Variants in RANBP2 observed in about 807,000 individuals in gnomAD.
RANBP2 encodes E3 SUMO-protein ligase RanBP2.
RANBP2 carries 57 observed loss-of-function variants against 303.6 expected under a neutral mutation model. The observed-to-expected ratio is 0.19, with a 90% CI of 0.15 to 0.23. The LOEUF (loss-of-function observed/expected upper bound fraction) is 0.23, where lower values mean the gene tolerates loss of function less well. Among genes scored for constraint, RANBP2 ranks in the 10% least tolerant of loss-of-function variants. The pLI is 1.00. For missense variants in RANBP2, 3,138 were observed against 3,780.8 expected (o/e 0.83, Z 4.46); for synonymous variants, 1,167 against 1,301.5 (o/e 0.90, Z 2.23).
chr2:108,989,774 C>T, the RANBP2 span, among the ~76,000 whole-genome samples: 9 of 151,956 alleles, frequency 5.9e-5, no homozygotes, highest in East Asian at 1.5e-3. Flanking sequence ...AAAGGACATA[C>T]CTTTCAGTAT....
At chr2:109,426,206 G>A in the RANBP2 span, among the ~76,000 whole-genome samples, 1 of 152,212 alleles carries the variant, frequency 6.6e-6, no homozygotes, top group Admixed American at 6.5e-5. Flanking sequence ...ACTGCGCCCG[G>A]CCAAGCAGTA....
chr2:109,257,208 C>A, the RANBP2 span, among the ~76,000 whole-genome samples: 1 of 152,120 alleles, frequency 6.6e-6, no homozygotes, highest in Admixed American at 6.5e-5. Context: ...GTGGACATGA[C>A]GGTAAGTCCT....
the RANBP2 span, among the ~76,000 whole-genome samples, chr2:109,732,480 C>CT: frequency 0.047 from 6,435 of 138,252 alleles, 180 homozygotes; most frequent in Non-Finnish European, 0.069. Context: ...ACACCTTCAT[C>CT]TTTTTTTTTT....
At chr2:108,843,844 T>G in the RANBP2 span, among the ~76,000 whole-genome samples, 41 of 22,822 alleles carry the variant, frequency 1.8e-3, no homozygotes, top group African/African-American at 2.6e-3. Flanking sequence ...AGTTCATGTT[T>G]TGTGTGTGTG....
At chr2:109,323,444 T>C in the RANBP2 span, among the ~76,000 whole-genome samples, 1 of 152,220 alleles carries the variant, frequency 6.6e-6, no homozygotes, top group Admixed American at 6.5e-5. Flanking sequence ...CCAAAGAATA[T>C]TCAGTGAGAT....
chr2:108,949,018 C>T, the RANBP2 span, among the ~76,000 whole-genome samples: 1 of 152,110 alleles, frequency 6.6e-6, no homozygotes, highest in Non-Finnish European at 1.5e-5. Flanking sequence ...ACTCTGTCAC[C>T]CAGGCTGGAG....
chr2:109,641,924 G>A, the RANBP2 span, among the ~76,000 whole-genome samples: 1 of 152,142 alleles, frequency 6.6e-6, no homozygotes. Context: ...TCCTGCCTCA[G>A]TCTCCCCAGT....
At chr2:109,110,519 C>T in the RANBP2 span, among the ~76,000 whole-genome samples, 3 of 152,298 alleles carry the variant, frequency 2.0e-5, no homozygotes, top group African/African-American at 7.2e-5. Context: ...ATAAAAATAA[C>T]ACCTGGAACT....
the RANBP2 span, among the ~76,000 whole-genome samples, chr2:109,718,140 G>A: frequency 3.0e-3 from 458 of 152,216 alleles, 2 homozygotes; most frequent in South Asian, 7.3e-3. Flanking sequence ...AAAATGATGC[G>A]GCCACTTTGG....
chr2:109,173,997 G>A, the RANBP2 span, among the ~76,000 whole-genome samples: 1 of 152,248 alleles, frequency 6.6e-6, no homozygotes, highest in Non-Finnish European at 1.5e-5. Context: ...ATTGGTGGCG[G>A]AAAGCACTGG....
the RANBP2 span, among the ~76,000 whole-genome samples, chr2:109,463,080 A>G: frequency 2.0e-5 from 3 of 152,206 alleles, no homozygotes; most frequent in African/African-American, 7.2e-5. Flanking sequence ...TGTAAATTCA[A>G]GGGATTCTGA....
intron 24 of RANBP2, among the ~76,000 whole-genome samples, chr2:108,776,918 G>A (rs933702198): frequency 2.6e-5 from 4 of 152,120 alleles, no homozygotes; most frequent in African/African-American, 9.7e-5. Context: ...TGCATTTGGT[G>A]TAGTATTGTA....
the RANBP2 span, among the ~76,000 whole-genome samples, chr2:109,624,259 C>G: frequency 2.5e-3 from 374 of 152,306 alleles, 1 homozygote; most frequent in Non-Finnish European, 3.4e-3. Context: ...GCTTTGAAAG[C>G]TAGCCTGAGA....
At chr2:109,130,807 TC>T in the RANBP2 span, among the ~76,000 whole-genome samples, 3 of 152,270 alleles carry the variant, frequency 2.0e-5, no homozygotes, top group African/African-American at 7.2e-5. Context: ...TTTAGGGCCT[TC>T]GCTGCTTCTG....
the RANBP2 span, among the ~76,000 whole-genome samples, chr2:108,924,643 G>C: frequency 7.9e-5 from 12 of 152,154 alleles, no homozygotes; most frequent in Non-Finnish European, 1.6e-4. Context: ...GCCTTCCTGA[G>C]CCTGGACTGT....
chr2:109,112,059 T>A, the RANBP2 span, among the ~76,000 whole-genome samples: 4 of 152,018 alleles, frequency 2.6e-5, no homozygotes, highest in South Asian at 8.3e-4. Context: ...TGGTTCCAAG[T>A]CTTTGCTATT....
the RANBP2 span, among the ~76,000 whole-genome samples, chr2:109,579,386 T>C: frequency 1.4e-5 from 2 of 139,590 alleles, no homozygotes; most frequent in Non-Finnish European, 3.1e-5. Context: ...CAGGCCCTCC[T>C]TTTTTTTTTT....
At chr2:109,580,977 G>A in the RANBP2 span, among the ~76,000 whole-genome samples, 2 of 152,186 alleles carry the variant, frequency 1.3e-5, no homozygotes, top group Non-Finnish European at 2.9e-5. Flanking sequence ...GCACAGGCAG[G>A]AAGCACTGCA....
chr2:108,868,523 C>G, the RANBP2 span, among the ~76,000 whole-genome samples: 2 of 152,344 alleles, frequency 1.3e-5, no homozygotes, highest in African/African-American at 2.4e-5. Context: ...TCTACCTCAC[C>G]TGTCTCTCTT....
Sources: gnomAD v4.1 joint callset for allele counts (sites outside exome capture counted in the v4.1 genomes callset) on GRCh38, gnomAD v4.1.1 for gene constraint, MANE v1.5 for transcripts, NCBI Gene and HGNC (gene_info 2026-07-23, HGNC 2026-07-21) for gene names.